SLC9A9: variants seen among roughly 807,000 people sequenced by gnomAD.
SLC9A9 encodes the protein sodium/hydrogen exchanger 9.
A neutral mutation model predicts 77.8 loss-of-function variants in SLC9A9; 62 were observed. The ratio of observed to expected loss-of-function variants is 0.80; its 90% CI spans 0.65 to 0.98. The LOEUF is 0.98. Among genes scored for constraint, SLC9A9 ranks in the 50% least tolerant of loss-of-function variants. SLC9A9 has a pLI of 0.00. For missense variants in SLC9A9, 775 were observed against 774.9 expected (o/e 1.00, Z 0.00); for synonymous variants, 320 against 283.5 (o/e 1.13, Z -1.29).
chr3:143,833,906 A>T (rs2009501537), intron 1 of SLC9A9, among the ~76,000 whole-genome samples: 1 of 151,930 alleles, frequency 6.6e-6, no homozygotes, highest in South Asian at 2.1e-4. Flanking sequence ...ACAGAGAGAG[A>T]CTCTAGACCT....
chr3:143,266,452 C>G lies in SLC9A9; in HGVS notation c.*250G>C. On this transcript the variant is annotated 3_prime_UTR_variant, in exon 16 of 16. Transcript: ENST00000316549. ...CAGCTAGACTCCTGATACCTCCATCCCCACCCCAGCCAATCCAGTAATCAG... is the reference window on the plus strand; with the variant it reads ...CAGCTAGACTCCTGATACCTCCATCGCCACCCCAGCCAATCCAGTAATCAG... 1.8e-6 allele frequency: 1 copy of G among 565,082 alleles called. No individual in the cohort carries two copies. Among genetic ancestry groups the G allele is most frequent in the Non-Finnish European group, 3.2e-6 (1 of 315,568 alleles). 35.0% of individuals were successfully genotyped at this position (565,082 alleles called of 1,614,324 possible). A position where few individuals can be genotyped will look rare whatever the true frequency, so the allele number is the denominator to read the frequency against.
At chr3:143,737,237 C>T (rs1934961912) in intron 4 of SLC9A9, among the ~76,000 whole-genome samples, 1 of 152,130 alleles carries the variant, frequency 6.6e-6, no homozygotes. Flanking sequence ...TCTCTTTTGG[C>T]TCACTGAAAA....
At chr3:143,812,895 A>C (rs2008905952) in intron 2 of SLC9A9, among the ~76,000 whole-genome samples, 1 of 152,206 alleles carries the variant, frequency 6.6e-6, no homozygotes, top group Admixed American at 6.5e-5. Context: ...TAAGCCGCTG[A>C]GATGTGATGG....
intron 5 of SLC9A9, among the ~76,000 whole-genome samples, chr3:143,661,864 C>T (rs2038983743): frequency 6.6e-6 from 1 of 152,082 alleles, no homozygotes; most frequent in Non-Finnish European, 1.5e-5. Flanking sequence ...CCAACCATTG[C>T]CAAGACAACT....
chr3:143,493,598 T>C, intron 11 of SLC9A9, 55 bp downstream of exon 11: 1 of 1,499,188 alleles, frequency 6.7e-7, no homozygotes, highest in African/African-American at 1.4e-5. Flanking sequence ...GTTTTTCATG[T>C]TCTGTAAAAT....
chr3:143,382,423 A>G (rs2033327911), intron 12 of SLC9A9, among the ~76,000 whole-genome samples: 1 of 152,122 alleles, frequency 6.6e-6, no homozygotes. Context: ...CATAGCCCCA[A>G]AAACACACAT....
At chr3:143,622,100 A>T (rs2108714063) in intron 6 of SLC9A9, among the ~76,000 whole-genome samples, 1 of 152,356 alleles carries the variant, frequency 6.6e-6, no homozygotes, top group Non-Finnish European at 1.5e-5. Context: ...AGCCTCCAAG[A>T]AATATGGGAC....
chr3:143,579,400 C>T (rs1333422089), intron 6 of SLC9A9, among the ~76,000 whole-genome samples: 1 of 152,144 alleles, frequency 6.6e-6, no homozygotes, highest in African/African-American at 2.4e-5. Flanking sequence ...AAAATCAATC[C>T]ACCAATAGGC....
chr3:143,564,039 T>G (rs1426071555), intron 8 of SLC9A9, among the ~76,000 whole-genome samples: 1 of 152,194 alleles, frequency 6.6e-6, no homozygotes, highest in Non-Finnish European at 1.5e-5. Context: ...AATACACATC[T>G]GTCAAAGGAA....
In SLC9A9 at chr3:143,382,544, G is replaced by A. The variant is rs149904881; in HGVS notation, c.1470-430C>T. Among the ~76,000 whole-genome samples the A allele has an allele frequency of 5.7e-4, 87 of 152,282 alleles. No homozygotes were observed. In the East Asian group the frequency reaches 0.012, roughly 20 times the overall value. On this transcript the variant is annotated intron_variant, in intron 12 of 15. Coordinates refer to ENST00000316549, the MANE Select transcript of SLC9A9 (RefSeq NM_173653.4). ...TTTCTTGAGGCAGAGTAAACAGAACGTTTTTCTAGAGACTCCCCATAGGGA... is the reference window on the plus strand; with the variant it reads ...TTTCTTGAGGCAGAGTAAACAGAACATTTTTCTAGAGACTCCCCATAGGGA...
Position 143,398,097 on chromosome 3 carries a change from T to TC in SLC9A9, c.1470-15984dup, listed in dbSNP as rs200071673. On this transcript the variant is annotated intron_variant, in intron 12 of 15. Coordinates refer to ENST00000316549, the MANE Select transcript of SLC9A9 (RefSeq NM_173653.4). ...AAATTCTAATGGTTGATTCTGAACT[T>TC]CCCCCCCGCCACCACCTTACCACCA... is the stretch of plus-strand genomic sequence containing the variant. Among the ~76,000 whole-genome samples, 958 of 152,018 alleles carry TC rather than the reference T, an allele frequency of 6.3e-3. 2 individuals are homozygous for TC. The highest frequency in any genetic ancestry group is 0.01 in the Non-Finnish European group (697 of 67,956).
chr3:143,382,447 T>C (rs6795522), intron 12 of SLC9A9, among the ~76,000 whole-genome samples: 56,280 of 151,894 alleles, frequency 0.37, 10,482 homozygotes, highest in Non-Finnish European at 0.4. Flanking sequence ...GGAAAGAAGG[T>C]GACCTGGTAC....
At chr3:143,568,809 C>T (rs749036646) in intron 8 of SLC9A9, among the ~76,000 whole-genome samples, 1 of 152,094 alleles carries the variant, frequency 6.6e-6, no homozygotes, top group Non-Finnish European at 1.5e-5. Flanking sequence ...CCTAATTCTC[C>T]ATCAGCTCTA....
chr3:143,363,506 T>G lies in SLC9A9; in HGVS notation c.1582A>C (p.Met528Leu). 1 of 1,613,090 alleles carries G rather than the reference T, an allele frequency of 6.2e-7. No individual in the cohort carries two copies. The highest frequency in any genetic ancestry group is 8.5e-7 in the Non-Finnish European group (1 of 1,179,278). ...TACTTGTGGTCAAAGCTATACCACATTCTGAAGAGCCGAGCACTCTCTGCT... is the reference window on the plus strand; with the variant it reads ...TACTTGTGGTCAAAGCTATACCACAGTCTGAAGAGCCGAGCACTCTCTGCT... ...TKAESARLFR[M>L]WYSFDHKYLK... Residue 528 changes from methionine (M) to leucine (L), a missense_variant, in exon 14 of 16, where the codon ATG (methionine) becomes CTG (leucine). By Grantham distance (15) the Met-to-Leu change is conservative. Transcript: ENST00000316549.
intron 4 of SLC9A9, among the ~76,000 whole-genome samples, chr3:143,703,218 T>C (rs58947744): frequency 0.02 from 3,108 of 152,152 alleles, 97 homozygotes; most frequent in African/African-American, 0.071. Flanking sequence ...ATAGACCAAA[T>C]GCACCTAATA....
intron 1 of SLC9A9, among the ~76,000 whole-genome samples, chr3:143,834,571 C>CTTTT (rs5853131): frequency 7.7e-4 from 90 of 116,830 alleles, no homozygotes; most frequent in African/African-American, 1.1e-3. Flanking sequence ...GCGAGGCACT[C>CTTTT]TTTTTTTTTT....
chr3:143,668,886 C>CTGTAGCA lies in SLC9A9; in HGVS notation c.650-16527_650-16526insTGCTACA, dbSNP rs2039115940. 6.6e-5 allele frequency among the ~76,000 whole-genome samples: 10 copies of CTGTAGCA among 152,272 alleles called. No individual in the cohort carries two copies. In the South Asian group the frequency reaches 2.1e-3, roughly 32 times the overall value. ...AAATAATAAATTGAACAACACAATT[C>CTGTAGCA]CTTGTCTGTAGCACCCAGACAAAAG... On this transcript the variant is annotated intron_variant, in intron 5 of 15. Coordinates refer to ENST00000316549, the MANE Select transcript of SLC9A9 (RefSeq NM_173653.4).
chr3:143,825,879 CTGAG>C (rs1231663657), intron 2 of SLC9A9, among the ~76,000 whole-genome samples: 3 of 148,744 alleles, frequency 2.0e-5, no homozygotes, highest in Non-Finnish European at 4.5e-5. Flanking sequence ...ACCCTTCCAA[CTGAG>C]TATTATAAAC....
intron 12 of SLC9A9, among the ~76,000 whole-genome samples, chr3:143,404,374 G>A (rs1051434319): frequency 6.6e-6 from 1 of 151,892 alleles, no homozygotes; most frequent in South Asian, 2.1e-4. Context: ...TTCTCACCAT[G>A]TTGGCTAGGC....
Sources: gnomAD v4.1 joint callset for allele counts (sites outside exome capture counted in the v4.1 genomes callset) on GRCh38, gnomAD v4.1.1 for gene constraint, MANE v1.5 for transcripts, NCBI Gene and HGNC (gene_info 2026-07-23, HGNC 2026-07-21) for gene names.